COL27A1: variants seen among roughly 807,000 people sequenced by gnomAD.
COL27A1 encodes collagen type XXVII alpha 1 chain.
Under a neutral mutation model 251.3 loss-of-function variants are expected in COL27A1, and 106 were observed. The observed-to-expected ratio is 0.42, with a 90% CI of 0.36 to 0.50. The LOEUF is 0.50. COL27A1 is among the 20% of genes least tolerant of loss of function. The probability of loss-of-function intolerance (pLI) is 0.00; values close to 1 mark genes in which losing one functional copy is unlikely to be tolerated. For synonymous variants in COL27A1, 1,000 were observed against 986.3 expected (o/e 1.01, Z -0.26); for missense variants, 2,325 against 2,522.8 (o/e 0.92, Z 1.68).
intron 55 of COL27A1, 28 bp downstream of exon 55, chr9:114,301,745 T>C: frequency 6.2e-7 from 1 of 1,608,896 alleles, no homozygotes; most frequent in Admixed American, 1.7e-5. Context: ...GGGTGCATCT[T>C]GGACTCCTGG....
intron 22 of COL27A1, among the ~76,000 whole-genome samples, chr9:114,243,222 C>G (rs1394353510): frequency 2.0e-5 from 3 of 152,214 alleles, no homozygotes; most frequent in Non-Finnish European, 4.4e-5. Flanking sequence ...CTGCCAAGTT[C>G]CTTCCTTTCC....
rs1350972747 is a variant in COL27A1 at position 114,168,077 on chromosome 9, C to T, written c.522C>T (p.Cys174=). 26 of 1,609,856 alleles carry T rather than the reference C, an allele frequency of 1.6e-5. No homozygotes were observed. Among genetic ancestry groups the T allele is most frequent in the East Asian group, 4.5e-5 (2 of 44,882 alleles). Residue 174 remains cysteine (C), a synonymous_variant, in exon 3 of 61, where the codon TGC becomes TGT. Coordinates refer to ENST00000356083, the MANE Select transcript of COL27A1 (RefSeq NM_032888.4). ...RGRTVTLVTA[C]GQRRVPVLLP... ...GCACAGTCACTCTGGTGACTGCCTGCGGGCAGCGCCGGGTGCCTGTCCTGC... is the reference window on the plus strand; with the variant it reads ...GCACAGTCACTCTGGTGACTGCCTGTGGGCAGCGCCGGGTGCCTGTCCTGC...
At chr9:114,264,027 A>G (rs951458431) in intron 28 of COL27A1, among the ~76,000 whole-genome samples, 1 of 152,174 alleles carries the variant, frequency 6.6e-6, no homozygotes, top group Non-Finnish European at 1.5e-5. Flanking sequence ...GTGTAACTCA[A>G]TTGCGGCCCT....
chr9:114,280,153 A>G lies in COL27A1; in HGVS notation c.3718-2124A>G, dbSNP rs1478391775. 2.0e-5 allele frequency among the ~76,000 whole-genome samples: 3 copies of G among 152,102 alleles called. No homozygotes were observed. In the East Asian group the frequency reaches 5.8e-4, roughly 29 times the overall value. On this transcript the variant is annotated intron_variant, in intron 37 of 60. Transcript: ENST00000356083. ...TACAGTTGACAATGTAGGTTCATAT[A>G]CCCAAGTTACTCCAAACAAGTTTTG...
chr9:114,301,834 C>A (rs956743578), intron 55 of COL27A1, 117 bp downstream of exon 55: 40 of 1,047,714 alleles, frequency 3.8e-5, no homozygotes, highest in Non-Finnish European at 1.1e-5. Flanking sequence ...TTCTTGTAGC[C>A]CACAGACTCC....
intron 6 of COL27A1, among the ~76,000 whole-genome samples, chr9:114,194,716 A>G (rs1415583889): frequency 3.9e-5 from 6 of 152,220 alleles, no homozygotes; most frequent in Admixed American, 6.5e-5. Flanking sequence ...GATTTCTCCT[A>G]TGGACACACG....
In COL27A1 at chr9:114,251,939, T is replaced by C. The variant is rs532376612; in HGVS notation, c.3034-654T>C. Among the ~76,000 whole-genome samples, 4 of 152,310 alleles carry C rather than the reference T, an allele frequency of 2.6e-5. No homozygotes were observed. The East Asian group carries it at 7.7e-4, about 29-fold the overall frequency. On this transcript the variant is annotated intron_variant, in intron 25 of 60. Transcript: ENST00000356083. ...TCCATGGGAGCAGGGCTGCTCACCA[T>C]TGTATATTCAGAGTCTCGCAGATAG... is the stretch of plus-strand genomic sequence containing the variant.
intron 3 of COL27A1, among the ~76,000 whole-genome samples, chr9:114,176,830 C>G (rs1827496646): frequency 6.6e-6 from 1 of 152,178 alleles, no homozygotes; most frequent in Admixed American, 6.5e-5. Flanking sequence ...CTGGATCTCT[C>G]CTCTGATTTT....
intron 7 of COL27A1, among the ~76,000 whole-genome samples, chr9:114,199,687 C>T (rs1004001667): frequency 5.9e-5 from 9 of 152,200 alleles, no homozygotes; most frequent in African/African-American, 1.9e-4. Context: ...CCTCCCTTCT[C>T]GGCCTCTTTG....
At chr9:114,156,104 G>GC (rs1848105383) in intron 1 of COL27A1, 92 bp downstream of exon 1, 1 of 1,285,060 alleles carries the variant, frequency 7.8e-7, no homozygotes. Flanking sequence ...GTCGCTTCCA[G>GC]CGGAACGTCA....
intron 10 of COL27A1, chr9:114,209,365 G>C (rs1339621771): frequency 1.5e-6 from 1 of 661,958 alleles, no homozygotes; most frequent in Admixed American, 1.8e-5. Flanking sequence ...ACCCAGCCGC[G>C]AGCTTCCTTC....
intron 28 of COL27A1, among the ~76,000 whole-genome samples, chr9:114,263,915 T>C (rs1184337789): frequency 6.6e-6 from 1 of 152,336 alleles, no homozygotes; most frequent in East Asian, 1.9e-4. Flanking sequence ...TCCCAGGTCC[T>C]GCTCTGTCAG....
intron 56 of COL27A1, 145 bp from the exon 57 acceptor site, chr9:114,304,463 C>A: frequency 1.4e-6 from 1 of 694,680 alleles, no homozygotes; most frequent in South Asian, 1.7e-5. Context: ...TGACTGTCTG[C>A]AAAGAGAGGA....
chr9:114,287,185 A>G (rs1827554871), intron 41 of COL27A1, among the ~76,000 whole-genome samples: 1 of 152,094 alleles, frequency 6.6e-6, no homozygotes, highest in African/African-American at 2.4e-5. Flanking sequence ...CTGGTGGCTG[A>G]TCACCACCAG....
At chr9:114,266,509 C>A in intron 32 of COL27A1, 56 bp from the exon 33 acceptor site, 1 of 1,517,490 alleles carries the variant, frequency 6.6e-7, no homozygotes, top group Non-Finnish European at 9.1e-7. Flanking sequence ...CTCCAGATCC[C>A]AAAGAGGGCC....
At chr9:114,301,006 C>T in intron 51 of COL27A1, 66 bp from the exon 52 acceptor site, 2 of 1,503,806 alleles carry the variant, frequency 1.3e-6, no homozygotes, top group Middle Eastern at 3.6e-4. Context: ...TGCCCTCCAC[C>T]CCGCTCCCCG....
intron 57 of COL27A1, chr9:114,306,272 A>G (rs1829039186): frequency 4.6e-6 from 2 of 432,208 alleles, no homozygotes; most frequent in South Asian, 6.5e-5. Flanking sequence ...CCTGTCCCAT[A>G]TCAGAGAACA....
At chr9:114,208,648 C>T (rs1283969139) in intron 10 of COL27A1, among the ~76,000 whole-genome samples, 5 of 151,950 alleles carry the variant, frequency 3.3e-5, no homozygotes, top group South Asian at 2.1e-4. Context: ...GTAGAAGCCC[C>T]GGGCGAGGTT....
chr9:114,201,248 C>G (rs1023765420), intron 7 of COL27A1, among the ~76,000 whole-genome samples: 2 of 152,244 alleles, frequency 1.3e-5, no homozygotes, highest in African/African-American at 4.8e-5. Flanking sequence ...TAGTGCCAGT[C>G]AGGCACCGAT....
Sources: gnomAD v4.1 joint callset for allele counts (sites outside exome capture counted in the v4.1 genomes callset) on GRCh38, gnomAD v4.1.1 for gene constraint, MANE v1.5 for transcripts, NCBI Gene and HGNC (gene_info 2026-07-23, HGNC 2026-07-21) for gene names.